The following TMOD2 variants were observed in gnomAD, a reference collection of about 807,000 sequenced individuals.
The protein encoded by TMOD2 is tropomodulin-2.
In TMOD2, 22 loss-of-function variants were observed where a neutral mutation model predicts 39.9. The ratio of observed to expected loss-of-function variants is 0.55; its 90% CI spans 0.39 to 0.79. The LOEUF is 0.79. Ranked by LOEUF, TMOD2 falls within the 30% of genes least tolerant of loss-of-function variation. TMOD2 has a pLI of 0.00. For synonymous variants in TMOD2, 123 were observed against 146.1 expected (o/e 0.84, Z 1.14); for missense variants, 386 against 413.3 (o/e 0.93, Z 0.57).
intron 1 of TMOD2, chr15:51,756,204 C>T (rs1328057364): frequency 6.6e-6 from 1 of 152,214 alleles, no homozygotes; most frequent in African/African-American, 2.4e-5. Context: ...GCTTCCTACC[C>T]AGGTGGAAAT....
intron 7 of TMOD2, among the ~76,000 whole-genome samples, chr15:51,794,492 A>T (rs569520310): frequency 1.2e-4 from 18 of 152,214 alleles, no homozygotes; most frequent in African/African-American, 4.3e-4. Context: ...AGGCAGGAGG[A>T]TCACTTAAAG....
chr15:51,777,027 A>C lies in TMOD2; in HGVS notation c.493+9A>C. The C allele has an allele frequency of 6.2e-7, 1 of 1,612,668 alleles. No homozygotes were observed. Among genetic ancestry groups the C allele is most frequent in the Non-Finnish European group, 8.5e-7 (1 of 1,178,888 alleles). On this transcript the variant is annotated intron_variant, in intron 5 of 9. Transcript: ENST00000249700. The stretch of plus-strand genomic sequence containing the variant: ...CAAAGGACCTGTCAGAAGTAAGTTG[A>C]TGTGCAATCTGTGGTTTTGTAAAGC...
intron 1 of TMOD2, among the ~76,000 whole-genome samples, chr15:51,763,340 T>C (rs1019490036): frequency 6.6e-6 from 1 of 152,236 alleles, no homozygotes; most frequent in African/African-American, 2.4e-5. Context: ...TAAAATCATA[T>C]ATCTCTCCTG....
intron 7 of TMOD2, among the ~76,000 whole-genome samples, chr15:51,789,052 G>T (rs1006148837): frequency 1.2e-4 from 19 of 152,178 alleles, no homozygotes; most frequent in African/African-American, 4.6e-4. Flanking sequence ...CCAGTTAAAA[G>T]ACACAGACTG....
At chr15:51,794,599 C>G (rs556215887) in intron 7 of TMOD2, among the ~76,000 whole-genome samples, 2 of 152,294 alleles carry the variant, frequency 1.3e-5, no homozygotes, top group African/African-American at 4.8e-5. Flanking sequence ...CATTATTCAC[C>G]TGGAGAGCTC....
chr15:51,766,638 C>A, intron 2 of TMOD2, 71 bp downstream of exon 2: 1 of 1,499,988 alleles, frequency 6.7e-7, no homozygotes, highest in Non-Finnish European at 9.1e-7. Context: ...GGTCCTTAAA[C>A]AATGGTAGAA....
chr15:51,793,396 AGT>A (rs958101028), intron 7 of TMOD2, among the ~76,000 whole-genome samples: 25 of 152,282 alleles, frequency 1.6e-4, no homozygotes, highest in Admixed American at 4.6e-4. Context: ...TTTGAAATCC[AGT>A]GTGTTTTATG....
At position 51,773,724 on chromosome 15, in the gene TMOD2, T is replaced by C. The variant is rs2055868703; in HGVS notation, c.296T>C (p.Ile99Thr). ...FTGEKKGRVF[I>T]PKEKPIETRK... ...TTCTGATTTAAAGGGAGAGTCTTTATCCCTAAAGAAAAGCCTATAGAAACT... is the reference window on the plus strand; with the variant it reads ...TTCTGATTTAAAGGGAGAGTCTTTACCCCTAAAGAAAAGCCTATAGAAACT... The change falls in exon 4 of 10, where the codon ATC becomes ACC. Residue 99 changes from isoleucine (I) to threonine (T), a missense_variant. Physicochemically the swap from Ile to Thr is moderately conservative, Grantham distance 89. Transcript: ENST00000249700. 1 of 1,607,388 alleles carries C rather than the reference T, an allele frequency of 6.2e-7. No individual in the cohort carries two copies. Among genetic ancestry groups the C allele is most frequent in the African/African-American group, 1.3e-5 (1 of 74,204 alleles).
In TMOD2 at chr15:51,767,769, A is replaced by G. The variant is rs569231851; in HGVS notation, c.127-493A>G. Reference sequence around the variant, plus strand: ...GGTATTTACTTTTAAAAATACAGATATTCTGTTGTTGTTTTTTTAAATTAA... The same window carrying G: ...GGTATTTACTTTTAAAAATACAGATGTTCTGTTGTTGTTTTTTTAAATTAA... On this transcript the variant is annotated intron_variant, in intron 2 of 9. Transcript: ENST00000249700. 5.3e-5 allele frequency among the ~76,000 whole-genome samples: 8 copies of G among 152,326 alleles called. No homozygotes were observed. In the East Asian group the frequency reaches 1.5e-3, roughly 29 times the overall value.
At chr15:51,773,045 C>G (rs956750625) in intron 3 of TMOD2, among the ~76,000 whole-genome samples, 4 of 152,150 alleles carry the variant, frequency 2.6e-5, no homozygotes, top group Non-Finnish European at 4.4e-5. Context: ...ATTGATCTGT[C>G]CCACACTGCC....
chr15:51,796,387 G>A (rs1162940438), intron 7 of TMOD2, among the ~76,000 whole-genome samples: 2 of 152,062 alleles, frequency 1.3e-5, no homozygotes, highest in Admixed American at 6.5e-5. Context: ...TTCAGCAGCA[G>A]GTGTGCTGAC....
At chr15:51,781,914 T>G (rs2055933539) in intron 6 of TMOD2, among the ~76,000 whole-genome samples, 3 of 152,170 alleles carry the variant, frequency 2.0e-5, no homozygotes, top group Admixed American at 6.5e-5. Context: ...TAACCAACTT[T>G]TATTGAGTAC....
intron 9 of TMOD2, 58 bp from the exon 10 acceptor site, chr15:51,808,362 C>A: frequency 7.1e-7 from 1 of 1,405,610 alleles, no homozygotes; most frequent in Non-Finnish European, 1.0e-6. Flanking sequence ...TGTTGTTTAT[C>A]TGGAATTTAA....
intron 7 of TMOD2, among the ~76,000 whole-genome samples, chr15:51,790,903 G>T (rs2056006894): frequency 6.6e-6 from 1 of 152,144 alleles, no homozygotes; most frequent in Non-Finnish European, 1.5e-5. Flanking sequence ...ATATTATACT[G>T]AATGGGCAAA....
intron 8 of TMOD2, among the ~76,000 whole-genome samples, chr15:51,805,976 T>G (rs2056119092): frequency 6.6e-6 from 1 of 152,158 alleles, no homozygotes; most frequent in African/African-American, 2.4e-5. Context: ...AAAATAAAAA[T>G]TTAGTAATTG....
chr15:51,798,575 C>T (rs1445479238), intron 8 of TMOD2, among the ~76,000 whole-genome samples: 1 of 152,220 alleles, frequency 6.6e-6, no homozygotes, highest in African/African-American at 2.4e-5. Flanking sequence ...ATCTATCCCA[C>T]AACCCTAGGC....
At chr15:51,773,019 A>G (rs970443459) in intron 3 of TMOD2, among the ~76,000 whole-genome samples, 3 of 152,194 alleles carry the variant, frequency 2.0e-5, no homozygotes, top group Non-Finnish European at 4.4e-5. Context: ...GACTTCCAAG[A>G]GTTCCATGCA....
At position 51,781,169 on chromosome 15, in the gene TMOD2, A is replaced by G. The variant is rs1263709622; in HGVS notation, c.619A>G (p.Ile207Val). The G allele has an allele frequency of 6.2e-7, 1 of 1,602,530 alleles. No individual in the cohort carries two copies. The highest frequency in any genetic ancestry group is 8.5e-7 in the Non-Finnish European group (1 of 1,177,094). The change falls in exon 6 of 10, where the codon ATT becomes GTT. Residue 207 changes from isoleucine (I) to valine (V), a missense_variant. By Grantham distance (29) the Ile-to-Val change is conservative. Transcript: ENST00000249700. Reference sequence around the variant, plus strand: ...CTTGCAAGAAGTCAACCTCAACAACATTAAGGTATTTCATTGTGATTATCA... The same window carrying G: ...CTTGCAAGAAGTCAACCTCAACAACGTTAAGGTATTTCATTGTGATTATCA... ...PSLQEVNLNN[I>V]KNIPIPTLRE...
chr15:51,768,174 A>C (rs1164478478), intron 2 of TMOD2, 88 bp from the exon 3 acceptor site: 1 of 1,493,222 alleles, frequency 6.7e-7, no homozygotes, highest in East Asian at 2.3e-5. Context: ...CTGCTTCCCC[A>C]GCACATAGTG....
Sources: gnomAD v4.1 joint callset for allele counts (sites outside exome capture counted in the v4.1 genomes callset) on GRCh38, gnomAD v4.1.1 for gene constraint, MANE v1.5 for transcripts, NCBI Gene and HGNC (gene_info 2026-07-23, HGNC 2026-07-21) for gene names.